Variants in PITPNC1 observed in about 807,000 individuals in gnomAD.
PITPNC1 encodes the protein phosphatidylinositol transfer protein cytoplasmic 1, also known as cytoplasmic phosphatidylinositol transfer protein 1.
A neutral mutation model predicts 44.7 loss-of-function variants in PITPNC1; 18 were observed. The observed-to-expected ratio is 0.40, with a 90% CI of 0.28 to 0.60. The LOEUF (loss-of-function observed/expected upper bound fraction) is 0.60. PITPNC1 is among the 20% of genes least tolerant of loss of function. The pLI, the probability that PITPNC1 is intolerant of heterozygous loss-of-function variation, is 0.39. For missense variants in PITPNC1, 290 were observed against 418.4 expected (o/e 0.69, Z 2.68); for synonymous variants, 141 against 149.6 (o/e 0.94, Z 0.42).
chr17:67,448,573 G>A (rs577100363), intron 1 of PITPNC1, among the ~76,000 whole-genome samples: 138 of 152,208 alleles, frequency 9.1e-4, no homozygotes, highest in South Asian at 1.5e-3. Context: ...TCTCACCTCC[G>A]TTTCTCCGCT....
At chr17:67,542,629 G>C (rs2040623500) in intron 2 of PITPNC1, among the ~76,000 whole-genome samples, 2 of 152,198 alleles carry the variant, frequency 1.3e-5, no homozygotes, top group African/African-American at 4.8e-5. Context: ...GGTCCTGATT[G>C]TTGGACCGGC....
chr17:67,413,157 T>C (rs2038529414), intron 1 of PITPNC1, among the ~76,000 whole-genome samples: 1 of 152,204 alleles, frequency 6.6e-6, no homozygotes, highest in African/African-American at 2.4e-5. Context: ...TTTCCAGTTT[T>C]CCAACCTGCT....
intron 1 of PITPNC1, among the ~76,000 whole-genome samples, chr17:67,487,234 G>T (rs910410195): frequency 1.3e-5 from 2 of 152,004 alleles, no homozygotes; most frequent in African/African-American, 4.8e-5. Context: ...AAGTGTAGTG[G>T]CACGATCTCA....
chr17:67,464,898 C>A (rs1333634327), intron 1 of PITPNC1, among the ~76,000 whole-genome samples: 1 of 152,110 alleles, frequency 6.6e-6, no homozygotes. Context: ...CACCACCAGG[C>A]CTGATTGATT....
chr17:67,396,060 C>T (rs1408437263), intron 1 of PITPNC1, among the ~76,000 whole-genome samples: 1 of 152,148 alleles, frequency 6.6e-6, no homozygotes, highest in Non-Finnish European at 1.5e-5. Flanking sequence ...TGCTTTTCAG[C>T]AGCATGACTT....
intron 2 of PITPNC1, 135 bp downstream of exon 2, chr17:67,533,085 A>C: frequency 1.5e-6 from 1 of 667,424 alleles, no homozygotes; most frequent in Non-Finnish European, 2.5e-6. Flanking sequence ...ACGACCACCA[A>C]TCTCATTGTT....
chr17:67,559,954 G>A (rs1278077409), intron 4 of PITPNC1, among the ~76,000 whole-genome samples: 3 of 152,128 alleles, frequency 2.0e-5, no homozygotes, highest in Admixed American at 2.0e-4. Context: ...GAGCCAGAAC[G>A]ACCAAGCTCA....
At chr17:67,474,989 A>G (rs918852430) in intron 1 of PITPNC1, among the ~76,000 whole-genome samples, 1 of 152,180 alleles carries the variant, frequency 6.6e-6, no homozygotes, top group African/African-American at 2.4e-5. Context: ...AAAGACTAAG[A>G]TGATGGCATT....
At chr17:67,635,065 A>G (rs2042017622) in intron 6 of PITPNC1, among the ~76,000 whole-genome samples, 1 of 152,192 alleles carries the variant, frequency 6.6e-6, no homozygotes, top group African/African-American at 2.4e-5. Context: ...CCTGGGCAAC[A>G]GAGACTCGGT....
chr17:67,632,637 A>T (rs1346769163), intron 6 of PITPNC1, among the ~76,000 whole-genome samples: 2 of 130,372 alleles, frequency 1.5e-5, no homozygotes, highest in African/African-American at 6.0e-5. Context: ...TGGTGGTGTG[A>T]TCTCACTGTG....
At chr17:67,465,305 T>C (rs145723668) in intron 1 of PITPNC1, among the ~76,000 whole-genome samples, 1 of 152,200 alleles carries the variant, frequency 6.6e-6, no homozygotes, top group African/African-American at 2.4e-5. Flanking sequence ...GGGAATGTAA[T>C]AGAATGTGTG....
chr17:67,553,848 C>T (rs555032384), intron 4 of PITPNC1, among the ~76,000 whole-genome samples: 2 of 152,284 alleles, frequency 1.3e-5, no homozygotes, highest in South Asian at 4.1e-4. Flanking sequence ...AGTCACTTTA[C>T]GTAATCAGCC....
intron 1 of PITPNC1, among the ~76,000 whole-genome samples, chr17:67,503,400 A>G (rs1232771220): frequency 6.6e-6 from 1 of 152,166 alleles, no homozygotes; most frequent in Non-Finnish European, 1.5e-5. Context: ...TGGGTCACAG[A>G]GCTGGCAATA....
chr17:67,588,873 CA>C (rs754141631), intron 5 of PITPNC1, among the ~76,000 whole-genome samples: 1 of 152,100 alleles, frequency 6.6e-6, no homozygotes, highest in Non-Finnish European at 1.5e-5. Flanking sequence ...TTGAGGATTA[CA>C]GAAAGAAAAA....
intron 8 of PITPNC1, 106 bp downstream of exon 8, chr17:67,675,648 G>C: frequency 1.3e-6 from 1 of 759,480 alleles, no homozygotes; most frequent in Non-Finnish European, 2.4e-6. Context: ...ACAAAGGCAA[G>C]GCCGCTGCTT....
intron 5 of PITPNC1, among the ~76,000 whole-genome samples, chr17:67,581,036 G>A (rs1333252866): frequency 2.0e-5 from 3 of 152,186 alleles, no homozygotes; most frequent in Non-Finnish European, 4.4e-5. Flanking sequence ...GTGACAGAGT[G>A]CCACCTAAAA....
At chr17:67,679,441 TC>T (rs1339961273) in intron 8 of PITPNC1, among the ~76,000 whole-genome samples, 3 of 152,226 alleles carry the variant, frequency 2.0e-5, no homozygotes, top group Non-Finnish European at 4.4e-5. Context: ...ATTTGCCTCC[TC>T]TGCTGTGTGT....
At chr17:67,641,049 AG>A (rs2042087930) in intron 6 of PITPNC1, among the ~76,000 whole-genome samples, 1 of 152,172 alleles carries the variant, frequency 6.6e-6, no homozygotes, top group South Asian at 2.1e-4. Context: ...ACAAATGCTA[AG>A]TGACAGTACG....
At chr17:67,632,085 A>G (rs2041978525) in intron 5 of PITPNC1, 58 bp from the exon 6 acceptor site, 2 of 1,051,306 alleles carry the variant, frequency 1.9e-6, no homozygotes, top group Admixed American at 1.7e-5. Flanking sequence ...TGCCTCGGGC[A>G]CTTTGGAGGG....
Sources: gnomAD v4.1 joint callset for allele counts (sites outside exome capture counted in the v4.1 genomes callset) on GRCh38, gnomAD v4.1.1 for gene constraint, MANE v1.5 for transcripts, NCBI Gene and HGNC (gene_info 2026-07-23, HGNC 2026-07-21) for gene names.